The following PAQR5 variants were observed in gnomAD, a reference collection of about 807,000 sequenced individuals.
The protein encoded by PAQR5 is progestin and adipoQ receptor family member 5, also known as membrane progestin receptor gamma.
Under a neutral mutation model 34.5 loss-of-function variants are expected in PAQR5, and 20 were observed. The ratio of observed to expected loss-of-function variants is 0.58; its 90% CI spans 0.41 to 0.84. The LOEUF (loss-of-function observed/expected upper bound fraction) is 0.84, where lower values mean the gene tolerates loss of function less well. Ranked by LOEUF, PAQR5 falls within the 40% of genes least tolerant of loss-of-function variation. The pLI is 0.00. For missense variants in PAQR5, 378 were observed against 412.7 expected, an observed-to-expected ratio of 0.92 and a Z score of 0.73; for synonymous variants, 131 against 155.6, an observed-to-expected ratio of 0.84 and a Z score of 1.18.
intron 2 of PAQR5, among the ~76,000 whole-genome samples, chr15:69,341,375 A>G (rs2134573): frequency 0.98 from 118,223 of 120,534 alleles, 57,956 homozygotes; most frequent in Middle Eastern, 0.99. Context: ...TTTTTTTTAA[A>G]AAATAGGGTC....
chr15:69,350,167 A>T (rs1336427182), intron 2 of PAQR5, among the ~76,000 whole-genome samples: 2 of 152,266 alleles, frequency 1.3e-5, no homozygotes, highest in Non-Finnish European at 2.9e-5. Context: ...CTCAGCTCCA[A>T]CGGCAAAGTG....
intron 1 of PAQR5, among the ~76,000 whole-genome samples, chr15:69,337,130 T>C (rs1239082103): frequency 6.6e-6 from 1 of 152,236 alleles, no homozygotes; most frequent in African/African-American, 2.4e-5. Context: ...CTAATCCTTT[T>C]GTTTTCAGAG....
Position 69,306,571 on chromosome 15 carries a change from A to AT in PAQR5, c.-277+7520dup, listed in dbSNP as rs1465684886. Reference sequence around the variant, plus strand: ...GGATTACAGGCGCACACCACCACTAATTTTTGTATTTTTAGTAGAGACAAG... The same window carrying AT: ...GGATTACAGGCGCACACCACCACTAATTTTTTGTATTTTTAGTAGAGACAAG... On this transcript the variant is annotated intron_variant, in intron 1 of 8. Transcript: ENST00000395407. Among the ~76,000 whole-genome samples the AT allele has an allele frequency of 2.0e-5, 3 of 151,438 alleles. No homozygotes were observed. In the East Asian group the frequency reaches 5.8e-4, roughly 29 times the overall value.
At chr15:69,362,594 ATC>A (rs2055263921) in intron 3 of PAQR5, among the ~76,000 whole-genome samples, 1 of 152,212 alleles carries the variant, frequency 6.6e-6, no homozygotes, top group African/African-American at 2.4e-5. Context: ...AAGCAAGATA[ATC>A]TCTCTACCTC....
intron 3 of PAQR5, among the ~76,000 whole-genome samples, chr15:69,367,723 T>G (rs2055438980): frequency 1.3e-5 from 2 of 152,160 alleles, no homozygotes; most frequent in Admixed American, 6.5e-5. Flanking sequence ...AGAAAAAGAT[T>G]CGGGCACAGA....
At chr15:69,387,694 A>T (rs1393437516) in intron 5 of PAQR5, among the ~76,000 whole-genome samples, 1 of 152,186 alleles carries the variant, frequency 6.6e-6, no homozygotes, top group Non-Finnish European at 1.5e-5. Flanking sequence ...ACTGAAGCCC[A>T]TGTGGTCCAC....
At chr15:69,303,471 C>T (rs538168857) in intron 1 of PAQR5, among the ~76,000 whole-genome samples, 2 of 152,226 alleles carry the variant, frequency 1.3e-5, no homozygotes, top group East Asian at 3.9e-4. Context: ...GGTTGCTCTC[C>T]CAAGGCAGCC....
chr15:69,370,072 A>G (rs2055515444), intron 3 of PAQR5, among the ~76,000 whole-genome samples: 1 of 152,216 alleles, frequency 6.6e-6, no homozygotes, highest in Admixed American at 6.5e-5. Context: ...AATCAGAAAG[A>G]TCCTTCATAA....
At chr15:69,329,742 C>A (rs1483948437) in intron 1 of PAQR5, among the ~76,000 whole-genome samples, 1 of 151,964 alleles carries the variant, frequency 6.6e-6, no homozygotes, top group Non-Finnish European at 1.5e-5. Flanking sequence ...GCCTTGGCCT[C>A]CCAAGGTGCT....
At chr15:69,322,768 A>G (rs1207046758) in intron 1 of PAQR5, among the ~76,000 whole-genome samples, 1,083 of 36,164 alleles carry the variant, frequency 0.03, 29 homozygotes, top group Non-Finnish European at 0.048. Flanking sequence ...GAAGAAGAAG[A>G]AGAGGGAGAA....
At chr15:69,361,694 T>A (rs1233187568) in intron 3 of PAQR5, among the ~76,000 whole-genome samples, 1 of 152,132 alleles carries the variant, frequency 6.6e-6, no homozygotes, top group South Asian at 2.1e-4. Context: ...ACTCACAGTT[T>A]GGGGGACAAC....
Position 69,359,358 on chromosome 15 carries a change from C to T in PAQR5, c.-115-608C>T, listed in dbSNP as rs78569261. On this transcript the variant is annotated intron_variant, in intron 2 of 8. Coordinates refer to ENST00000395407, the MANE Select transcript of PAQR5 (RefSeq NM_017705.4). ...AACTCCTCAGACACCGAGTTAAAGA[C>T]GGAAGCGGTTTATTTGGCCGGGGGG... Among the ~76,000 whole-genome samples, 713 of 152,312 alleles carry T rather than the reference C, an allele frequency of 4.7e-3. 5 individuals carry two copies. Among genetic ancestry groups the T allele is most frequent in the African/African-American group, 0.016 (648 of 41,574 alleles).
In PAQR5 at chr15:69,300,187, A is replaced by T. The variant is rs1156485237; in HGVS notation, c.-277+1131A>T. On this transcript the variant is annotated intron_variant, in intron 1 of 8. Transcript: ENST00000395407. ...TCTGCCTGTGAAAGAGGTTCAGGGG[A>T]GAGGGCACCTCCAAGCAGACACAAA... Among the ~76,000 whole-genome samples, 3 of 152,128 alleles carry T rather than the reference A, an allele frequency of 2.0e-5. No individual in the cohort carries two copies. The East Asian group carries it at 5.8e-4, about 30-fold the overall frequency.
chr15:69,399,909 AGAAG>A (rs1024380310), intron 7 of PAQR5, 61 bp from the exon 8 acceptor site: 6 of 1,531,108 alleles, frequency 3.9e-6, no homozygotes, highest in Non-Finnish European at 3.5e-6. Flanking sequence ...GCAGGTGCTG[AGAAG>A]GAAGAGGGCC....
chr15:69,362,340 T>G (rs1232639610), intron 3 of PAQR5, among the ~76,000 whole-genome samples: 2 of 152,244 alleles, frequency 1.3e-5, no homozygotes, highest in African/African-American at 4.8e-5. Flanking sequence ...ATTGGGTTTT[T>G]GGGCATCATG....
chr15:69,317,653 A>T (rs1424314699), intron 1 of PAQR5, among the ~76,000 whole-genome samples: 1 of 152,200 alleles, frequency 6.6e-6, no homozygotes, highest in Non-Finnish European at 1.5e-5. Context: ...AATGATTGCT[A>T]GAAAAGCTTC....
chr15:69,310,223 T>C (rs2053801021), intron 1 of PAQR5, among the ~76,000 whole-genome samples: 1 of 152,202 alleles, frequency 6.6e-6, no homozygotes, highest in Non-Finnish European at 1.5e-5. Flanking sequence ...TGTACTTCAG[T>C]CATTTTGCAA....
chr15:69,366,797 T>C (rs2055414915), intron 3 of PAQR5, among the ~76,000 whole-genome samples: 1 of 152,212 alleles, frequency 6.6e-6, no homozygotes, highest in African/African-American at 2.4e-5. Context: ...TCCACTATGG[T>C]GGCAAATTTG....
At position 69,322,804 on chromosome 15, in the gene PAQR5, AGG is replaced by A. The variant is rs1491345123; in HGVS notation, c.-276-14536_-276-14535del. On this transcript the variant is annotated intron_variant, in intron 1 of 8. Coordinates refer to ENST00000395407, the MANE Select transcript of PAQR5 (RefSeq NM_017705.4). The stretch of plus-strand genomic sequence containing the variant: ...GAAGAAGACGAGGAAGAAGAAGAAG[AGG>A]AAGAGGAAGAAGAAGAAGAAGAAGA... 3.5e-3 allele frequency among the ~76,000 whole-genome samples: 449 copies of A among 129,224 alleles called. 106 individuals are homozygous for A. The highest frequency in any genetic ancestry group is 0.013 in the African/African-American group (357 of 27,028). The allele number at this position is 129,224 out of a possible 152,430, so 84.8% of individuals were successfully genotyped here.
Sources: gnomAD v4.1 joint callset for allele counts (sites outside exome capture counted in the v4.1 genomes callset) on GRCh38, gnomAD v4.1.1 for gene constraint, MANE v1.5 for transcripts, NCBI Gene and HGNC (gene_info 2026-07-23, HGNC 2026-07-21) for gene names.